Variants in ADCY9 observed in about 807,000 individuals in gnomAD.
The protein encoded by ADCY9 is adenylate cyclase type 9.
Under a neutral mutation model 101.5 loss-of-function variants are expected in ADCY9, and 50 were observed. The observed-to-expected ratio is 0.49, with a 90% CI of 0.39 to 0.62. ADCY9 has a LOEUF of 0.62. Ranked by LOEUF, ADCY9 falls within the 20% of genes least tolerant of loss-of-function variation. ADCY9 has a pLI of 0.00. For missense variants in ADCY9, 1,662 were observed against 1,800.4 expected, an observed-to-expected ratio of 0.92 and a Z score of 1.39; for synonymous variants, 905 against 769.3, an observed-to-expected ratio of 1.18 and a Z score of -2.92.
chr16:4,074,531 C>CA (rs774528288), intron 2 of ADCY9, among the ~76,000 whole-genome samples: 6,005 of 90,516 alleles, frequency 0.066, 392 homozygotes, highest in African/African-American at 0.2. Flanking sequence ...TCTGCCTCCG[C>CA]AAAAAAAAAA....
Position 3,987,787 on chromosome 16 carries a change from G to C in ADCY9, c.2310+1207C>G, listed in dbSNP as rs559687781. Among the ~76,000 whole-genome samples, 4 of 152,298 alleles carry C rather than the reference G, an allele frequency of 2.6e-5. No individual in the cohort carries two copies. The East Asian group carries it at 7.7e-4, about 29-fold the overall frequency. ...CCTGCTGGAGGAACCAAGGGAATCA[G>C]AGTGAGAAATCCCTTTTGTTCCGGG... On this transcript the variant is annotated intron_variant, in intron 6 of 10. Coordinates refer to ENST00000294016, the MANE Select transcript of ADCY9 (RefSeq NM_001116.4).
At chr16:3,971,414 G>T (rs1188994205) in intron 10 of ADCY9, among the ~76,000 whole-genome samples, 1 of 152,184 alleles carries the variant, frequency 6.6e-6, no homozygotes, top group South Asian at 2.1e-4. Context: ...GGTCTTGGGA[G>T]CCCTGATACG....
At position 3,979,042 on chromosome 16, in the gene ADCY9, C is replaced by T. The variant is rs2056116941; in HGVS notation, c.2679+74G>A. 3 of 1,580,100 alleles carry T rather than the reference C, an allele frequency of 1.9e-6. No homozygotes were observed. In the South Asian group the frequency reaches 3.3e-5, roughly 18 times the overall value. On this transcript the variant is annotated intron_variant, in intron 8 of 10. Coordinates refer to ENST00000294016, the MANE Select transcript of ADCY9 (RefSeq NM_001116.4). ...AGGGTTTATTTTTAAATTGCTATCC[C>T]AAGTGATTTAAAGAAAAGAGAGATT...
chr16:3,990,895 G>A (rs1362648919), intron 5 of ADCY9, among the ~76,000 whole-genome samples: 1 of 152,222 alleles, frequency 6.6e-6, no homozygotes, highest in Non-Finnish European at 1.5e-5. Flanking sequence ...TGCCTCCTGG[G>A]TTCAAGCGAT....
At chr16:4,000,034 C>A (rs1002970699) in intron 3 of ADCY9, among the ~76,000 whole-genome samples, 1 of 152,202 alleles carries the variant, frequency 6.6e-6, no homozygotes, top group African/African-American at 2.4e-5. Context: ...CCTGGCTTTG[C>A]CTGCTTCGTC....
At chr16:4,079,438 G>A (rs187571873) in intron 2 of ADCY9, among the ~76,000 whole-genome samples, 7 of 152,198 alleles carry the variant, frequency 4.6e-5, no homozygotes, top group Admixed American at 4.6e-4. Flanking sequence ...GTGTGGTGGC[G>A]GACGCCTGTA....
intron 2 of ADCY9, among the ~76,000 whole-genome samples, chr16:4,111,273 GT>G (rs374389606): frequency 1.4e-5 from 2 of 147,396 alleles, no homozygotes; most frequent in Non-Finnish European, 3.0e-5. Context: ...CAGTATTGGG[GT>G]TTTTTTTGTT....
At chr16:3,967,201 G>A (rs2056006733) in intron 10 of ADCY9, among the ~76,000 whole-genome samples, 1 of 152,232 alleles carries the variant, frequency 6.6e-6, no homozygotes, top group Non-Finnish European at 1.5e-5. Flanking sequence ...TGTTGCCCAG[G>A]CTGGTCTTGC....
chr16:4,057,038 G>GCCCCCCCCCC (rs375745334), intron 2 of ADCY9, among the ~76,000 whole-genome samples: 14 of 83,508 alleles, frequency 1.7e-4, no homozygotes, highest in East Asian at 4.2e-4. Flanking sequence ...TGATGAAACC[G>GCCCCCCCCCC]CCCCCCCCCC....
At chr16:4,032,881 G>C (rs529020270) in intron 2 of ADCY9, 1 of 152,200 alleles carries the variant, frequency 6.6e-6, no homozygotes, top group Non-Finnish European at 1.5e-5. Context: ...GCATGCCGGT[G>C]CATGAGCAAC....
rs759220010 is a variant in ADCY9, at chr16:3,979,146, A to G, written c.2649T>C (p.His883=). 3 of 1,614,100 alleles carry G rather than the reference A, an allele frequency of 1.9e-6. No individual in the cohort carries two copies. The highest frequency in any genetic ancestry group is 2.5e-6 in the Non-Finnish European group (3 of 1,180,046). Residue 883 remains histidine, a synonymous_variant, in exon 8 of 11, where the codon CAT becomes CAC. Coordinates refer to ENST00000294016, the MANE Select transcript of ADCY9 (RefSeq NM_001116.4). ...VSLPALAVYS[H]VTSEYETNIH... is the part of the protein sequence containing the mutation. ...TGTTGGTCTCATATTCGGAGGTGAC[A>G]TGGGAGTAGACGGCCAGTGCGGGAA...
At chr16:4,009,579 C>G (rs1202775572) in intron 2 of ADCY9, among the ~76,000 whole-genome samples, 1 of 152,182 alleles carries the variant, frequency 6.6e-6, no homozygotes, top group African/African-American at 2.4e-5. Context: ...TTCACTCTTA[C>G]TTAGCTCCTG....
At chr16:3,979,304 C>CT in intron 7 of ADCY9, 29 bp from the exon 8 acceptor site, 2 of 1,610,152 alleles carry the variant, frequency 1.2e-6, no homozygotes, top group Non-Finnish European at 1.7e-6. Flanking sequence ...TTAGCAGGAG[C>CT]GACGGGGCCC....
intron 2 of ADCY9, among the ~76,000 whole-genome samples, chr16:4,100,230 C>T (rs2057033671): frequency 6.6e-6 from 1 of 152,168 alleles, no homozygotes; most frequent in African/African-American, 2.4e-5. Flanking sequence ...CCTTCATCTT[C>T]TGCCATGATT....
At chr16:4,007,284 G>A in intron 3 of ADCY9, 84 bp downstream of exon 3, 3 of 1,263,912 alleles carry the variant, frequency 2.4e-6, no homozygotes, top group Admixed American at 5.7e-5. Flanking sequence ...CCTCAGACCT[G>A]GAGGCTGCTT....
At chr16:3,980,153 C>T (rs1054304063) in intron 7 of ADCY9, among the ~76,000 whole-genome samples, 8 of 152,246 alleles carry the variant, frequency 5.3e-5, no homozygotes, top group South Asian at 2.1e-4. Context: ...CTCTGTTGTA[C>T]GTGAGGTCCA....
chr16:3,973,719 C>A (rs1022025652), intron 10 of ADCY9, among the ~76,000 whole-genome samples: 3 of 152,078 alleles, frequency 2.0e-5, no homozygotes, highest in Non-Finnish European at 4.4e-5. Flanking sequence ...TCTAGAACTC[C>A]AGGCCTCAAG....
intron 2 of ADCY9, among the ~76,000 whole-genome samples, chr16:4,063,955 A>T (rs1265491656): frequency 6.6e-6 from 1 of 152,188 alleles, no homozygotes; most frequent in Admixed American, 6.5e-5. Context: ...CCAGAACAAT[A>T]AGGCAGGAAA....
In ADCY9 at chr16:3,985,630, C is replaced by T. The variant is rs575033139; in HGVS notation, c.2311-2190G>A. On this transcript the variant is annotated intron_variant, in intron 6 of 10. Coordinates refer to ENST00000294016, the MANE Select transcript of ADCY9 (RefSeq NM_001116.4). ...GCCGGAAGGTTTCCACGTGGGCTGC[C>T]GTCCTTCTGAGAGCCCACACCTCCC... 1.6e-4 allele frequency among the ~76,000 whole-genome samples: 25 copies of T among 152,230 alleles called. 1 individual carries two copies. Among genetic ancestry groups the T allele is most frequent in the Non-Finnish European group, 3.2e-4 (22 of 68,010 alleles).
Sources: allele counts gnomAD v4.1 joint callset (sites outside exome capture counted in the v4.1 genomes callset), GRCh38; gene constraint gnomAD v4.1.1; transcripts MANE v1.5; gene names NCBI Gene and HGNC (gene_info 2026-07-23, HGNC 2026-07-21).